Variants in ATP8B4 observed in about 807,000 individuals in gnomAD.
The protein encoded by ATP8B4 is ATPase phospholipid transporting 8B4 (putative).
A neutral mutation model predicts 145.6 loss-of-function variants in ATP8B4; 133 were observed. That is an observed-to-expected ratio of 0.91 (90% CI 0.79 to 1.05). ATP8B4 has a LOEUF of 1.05. ATP8B4 is among the 50% of genes least tolerant of loss of function. ATP8B4 has a pLI of 0.00. For synonymous variants in ATP8B4, 507 were observed against 492.9 expected (o/e 1.03, Z -0.38); for missense variants, 1,458 against 1,425.2 (o/e 1.02, Z -0.37).
intron 17 of ATP8B4, among the ~76,000 whole-genome samples, chr15:49,922,976 G>A (rs1718716322): frequency 6.6e-6 from 1 of 152,126 alleles, no homozygotes; most frequent in African/African-American, 2.4e-5. Flanking sequence ...TTCCCTAGAG[G>A]TAATCATAAG....
intron 1 of ATP8B4, among the ~76,000 whole-genome samples, chr15:50,136,105 A>G (rs2044118362): frequency 6.6e-6 from 1 of 152,186 alleles, no homozygotes; most frequent in African/African-American, 2.4e-5. Context: ...GATGTTAAGC[A>G]TGCCCATTCC....
At chr15:50,056,701 GTATA>G (rs538243168) in intron 3 of ATP8B4, among the ~76,000 whole-genome samples, 15 of 144,308 alleles carry the variant, frequency 1.0e-4, no homozygotes, top group African/African-American at 3.9e-4. Flanking sequence ...ATGTATATGT[GTATA>G]TATATATATA....
rs2031341696 is a variant in ATP8B4 at position 49,860,056 on chromosome 15, T to C, written c.*138A>G. 3 of 1,047,704 alleles carry C rather than the reference T, an allele frequency of 2.9e-6. No homozygotes were observed. The highest frequency in any genetic ancestry group is 2.2e-4 in the Middle Eastern group (1 of 4,560). 64.9% of individuals were successfully genotyped at this position (1,047,704 alleles called of 1,614,324 possible). A position where few individuals can be genotyped will look rare whatever the true frequency, so the allele number is the denominator to read the frequency against. The stretch of plus-strand genomic sequence containing the variant: ...ACTCCTGTTTGATGGGCACTGGCAG[T>C]TGTCTGCCGCAGATTTAAGTTAAGT... On this transcript the variant is annotated 3_prime_UTR_variant, in exon 28 of 28. Coordinates refer to ENST00000284509, the MANE Select transcript of ATP8B4 (RefSeq NM_024837.4).
intron 3 of ATP8B4, among the ~76,000 whole-genome samples, chr15:50,067,979 T>C (rs1288128918): frequency 6.6e-6 from 1 of 152,272 alleles, no homozygotes. Context: ...AAGGGGACAA[T>C]GAATGGTCTA....
chr15:50,084,040 G>A (rs2153645249), intron 2 of ATP8B4, among the ~76,000 whole-genome samples: 1 of 152,264 alleles, frequency 6.6e-6, no homozygotes, highest in East Asian at 1.9e-4. Context: ...AAGCATCCCT[G>A]CCTGTCCCAG....
intron 5 of ATP8B4, among the ~76,000 whole-genome samples, chr15:50,042,213 A>T (rs1401279770): frequency 6.6e-6 from 1 of 152,136 alleles, no homozygotes; most frequent in Non-Finnish European, 1.5e-5. Flanking sequence ...TGAACCATGA[A>T]ATAGGCTAGA....
chr15:50,080,899 G>T (rs906903776), intron 2 of ATP8B4, among the ~76,000 whole-genome samples: 7 of 152,134 alleles, frequency 4.6e-5, no homozygotes, highest in African/African-American at 1.7e-4. Context: ...GGATCATGAT[G>T]TCAGGAGATC....
At chr15:49,910,491 G>A (rs963660266) in intron 20 of ATP8B4, among the ~76,000 whole-genome samples, 1 of 152,104 alleles carries the variant, frequency 6.6e-6, no homozygotes, top group Non-Finnish European at 1.5e-5. Context: ...AATACAGGAG[G>A]CCCAGCAATC....
chr15:49,966,643 A>T (rs1176391424), intron 13 of ATP8B4, among the ~76,000 whole-genome samples: 1 of 152,178 alleles, frequency 6.6e-6, no homozygotes, highest in Non-Finnish European at 1.5e-5. Context: ...TAAAACTCCC[A>T]TCTCCCTGGG....
intron 6 of ATP8B4, among the ~76,000 whole-genome samples, chr15:50,017,346 G>C (rs2049169541): frequency 6.6e-6 from 1 of 152,026 alleles, no homozygotes; most frequent in South Asian, 2.1e-4. Flanking sequence ...CTTATATGAA[G>C]AACATATTTT....
intron 1 of ATP8B4, among the ~76,000 whole-genome samples, chr15:50,133,445 C>T (rs35616430): frequency 0.15 from 23,191 of 151,488 alleles, 2,137 homozygotes; most frequent in Non-Finnish European, 0.21. Flanking sequence ...ACTAGCCAGG[C>T]GTGGTGGCAT....
intron 1 of ATP8B4, among the ~76,000 whole-genome samples, chr15:50,171,983 C>A (rs527253798): frequency 6.6e-6 from 1 of 152,226 alleles, no homozygotes; most frequent in East Asian, 1.9e-4. Context: ...GGATACATTC[C>A]TGGAAAAATA....
At chr15:50,026,356 T>C (rs1020825970) in intron 6 of ATP8B4, among the ~76,000 whole-genome samples, 7 of 152,108 alleles carry the variant, frequency 4.6e-5, no homozygotes, top group African/African-American at 9.7e-5. Flanking sequence ...GAAGTGCTCA[T>C]TAAAAATAGA....
At chr15:50,110,793 G>C (rs1595589984) in intron 1 of ATP8B4, among the ~76,000 whole-genome samples, 2 of 152,204 alleles carry the variant, frequency 1.3e-5, no homozygotes, top group East Asian at 3.8e-4. Flanking sequence ...AATAAGGGAA[G>C]TGTGAGAAAG....
Position 49,889,416 on chromosome 15 carries a change from C to A in ATP8B4, c.2697+7876G>T, listed in dbSNP as rs1365382590. ...AGGAAATTCCACCCAACATAGGAAACAAAAGGGAGTCTGGTCCGCGGGTTC... is the reference window on the plus strand; with the variant it reads ...AGGAAATTCCACCCAACATAGGAAAAAAAAGGGAGTCTGGTCCGCGGGTTC... On this transcript the variant is annotated intron_variant, in intron 23 of 27. Transcript: ENST00000284509. 1.4e-4 allele frequency among the ~76,000 whole-genome samples: 21 copies of A among 152,322 alleles called. No homozygotes were observed. In the East Asian group the frequency reaches 3.9e-3, roughly 28 times the overall value.
At chr15:49,885,110 C>T (rs2036023547) in intron 23 of ATP8B4, among the ~76,000 whole-genome samples, 1 of 152,204 alleles carries the variant, frequency 6.6e-6, no homozygotes, top group Admixed American at 6.5e-5. Flanking sequence ...AGAGCCCTTC[C>T]TGGTCCCCTG....
chr15:49,925,637 C>T (rs2040646206), intron 16 of ATP8B4, among the ~76,000 whole-genome samples: 1 of 152,086 alleles, frequency 6.6e-6, no homozygotes. Flanking sequence ...TTTAAACAAT[C>T]TAACTTCAAA....
At chr15:50,120,597 G>A (rs1427971381), upstream of ATP8B4, among the ~76,000 whole-genome samples, 1 of 152,106 alleles carries the variant, frequency 6.6e-6, no homozygotes, top group Non-Finnish European at 1.5e-5. Flanking sequence ...TGCCTATCAA[G>A]TATTGAAATG....
At chr15:50,109,050 C>A (rs916321827) in intron 1 of ATP8B4, among the ~76,000 whole-genome samples, 2 of 152,188 alleles carry the variant, frequency 1.3e-5, no homozygotes, top group African/African-American at 4.8e-5. Context: ...CCTTCCCAAG[C>A]TGGAGTGGCT....
Sources: gnomAD v4.1 joint callset for allele counts (sites outside exome capture counted in the v4.1 genomes callset) on GRCh38, gnomAD v4.1.1 for gene constraint, MANE v1.5 for transcripts, NCBI Gene and HGNC (gene_info 2026-07-23, HGNC 2026-07-21) for gene names.